MRAP: variants seen among roughly 807,000 people sequenced by gnomAD.
MRAP encodes melanocortin 2 receptor accessory protein, also known as melanocortin-2 receptor accessory protein.
A neutral mutation model predicts 8.7 loss-of-function variants in MRAP; 8 were observed. The ratio of observed to expected loss-of-function variants is 0.92; its 90% CI spans 0.54 to 1.66. The LOEUF (loss-of-function observed/expected upper bound fraction) is 1.66, where lower values mean the gene tolerates loss of function less well. Among genes scored for constraint, MRAP ranks in the 40% most tolerant of loss-of-function variants. The probability of loss-of-function intolerance (pLI) is 0.00; values close to 1 mark genes in which losing one functional copy is unlikely to be tolerated. For synonymous variants in MRAP, 95 were observed against 95.5 expected, an observed-to-expected ratio of 1.00 and a Z score of 0.03; for missense variants, 237 against 217.1, an observed-to-expected ratio of 1.09 and a Z score of -0.58.
At chr21:32,294,497 ATCTT>A (rs2032105081), upstream of MRAP, among the ~76,000 whole-genome samples, 1 of 152,168 alleles carries the variant, frequency 6.6e-6, no homozygotes, top group African/African-American at 2.4e-5. Context: ...CTATTCACAT[ATCTT>A]TCTTTATAAA....
At chr21:32,300,008 T>C (rs576352599) in intron 1 of MRAP, among the ~76,000 whole-genome samples, 6 of 152,244 alleles carry the variant, frequency 3.9e-5, no homozygotes, top group South Asian at 2.1e-4. Flanking sequence ...CCTGGGAAGA[T>C]TGGGTCTCAG....
At chr21:32,306,173 C>T (rs879923401) in intron 1 of MRAP, among the ~76,000 whole-genome samples, 1 of 152,132 alleles carries the variant, frequency 6.6e-6, no homozygotes, top group Non-Finnish European at 1.5e-5. Context: ...ACATCCTCCG[C>T]AGGGTATCAA....
At chr21:32,306,487 T>C in intron 1 of MRAP, 153 bp from the exon 2 acceptor site, 1 of 703,956 alleles carries the variant, frequency 1.4e-6, no homozygotes. Context: ...TTATTGTTAA[T>C]GGGAGATCTT....
rs758756352 is a variant in MRAP at position 32,306,624 on chromosome 21, T to G, written c.107-16T>G. ...TGACATAACCCAGCGCTGAGATGCA[T>G]CTCCTCCTCCCGCAGATTCCATCGT... On this transcript the variant is annotated splice_polypyrimidine_tract_variant and intron_variant, in intron 1 of 2. Transcript: ENST00000303645. 10 of 1,611,876 alleles carry G rather than the reference T, an allele frequency of 6.2e-6. No individual in the cohort carries two copies. Among genetic ancestry groups the G allele is most frequent in the Non-Finnish European group, 8.5e-6 (10 of 1,178,150 alleles).
intron 2 of MRAP, chr21:32,311,416 C>T (rs909287202): frequency 7.2e-6 from 2 of 278,140 alleles, no homozygotes; most frequent in East Asian, 1.2e-4. Flanking sequence ...CCACCCCCCA[C>T]CCCCCCCATC....
intron 2 of MRAP, 80 bp downstream of exon 2, chr21:32,306,819 C>T: frequency 8.9e-7 from 1 of 1,123,750 alleles, no homozygotes; most frequent in Non-Finnish European, 1.3e-6. Context: ...TATCCCTCAT[C>T]CAAAATGCTG....
Position 32,311,847 on chromosome 21 carries a change from C to G in MRAP, c.370C>G (p.Arg124Gly), listed in dbSNP as rs758718535. 1.1e-5 allele frequency: 17 copies of G among 1,614,148 alleles called. No individual in the cohort carries two copies. Among genetic ancestry groups the G allele is most frequent in the South Asian group, 3.3e-5 (3 of 91,086 alleles). ...CAGAACTGGCCCTGACCAGCCGCTA[C>G]GACAGGAGAGCTCCTCCACCTTGCC... ...GSRTGPDQPL[R>G]QESSSTLPLG... The change falls in exon 3 of 3, where the codon CGA becomes GGA. Residue 124 changes from arginine to glycine, a missense_variant. Arg to Gly is a moderately radical substitution (Grantham distance 125). Coordinates refer to ENST00000303645, the MANE Select transcript of MRAP (RefSeq NM_001379228.1).
intron 1 of MRAP, 62 bp from the exon 2 acceptor site, chr21:32,306,578 C>G (rs1441131113): frequency 1.5e-6 from 2 of 1,373,752 alleles, no homozygotes; most frequent in East Asian, 2.3e-5. Flanking sequence ...CTCCTTACTG[C>G]CCCTCAGCGT....
intron 1 of MRAP, among the ~76,000 whole-genome samples, chr21:32,304,333 C>T (rs1216300503): frequency 6.6e-6 from 1 of 152,096 alleles, no homozygotes; most frequent in Non-Finnish European, 1.5e-5. Context: ...AATCCTTAAG[C>T]TGGCTGGGTG....
downstream of MRAP, chr21:32,314,376 G>T: frequency 1.7e-6 from 1 of 574,970 alleles, no homozygotes; most frequent in Non-Finnish European, 3.2e-6. Flanking sequence ...GTAGAGATGG[G>T]GTTTCACCAT....
chr21:32,312,233 GC>G lies in MRAP; in HGVS notation c.*238del. The G allele has an allele frequency of 1.4e-6, 2 of 1,433,212 alleles. No individual in the cohort carries two copies. The highest frequency in any genetic ancestry group is 1.8e-6 in the Non-Finnish European group (2 of 1,096,720). The allele number at this position is 1,433,212 out of a possible 1,614,324, so 88.8% of individuals were successfully genotyped here. On this transcript the variant is annotated 3_prime_UTR_variant, in exon 3 of 3. Coordinates refer to ENST00000303645, the MANE Select transcript of MRAP (RefSeq NM_001379228.1). ...AGCACACCTAGCCTGCTTGCTTACT[GC>G]TTATATTTGCTCAGGGAAGAGTAGG...
At chr21:32,314,418 C>T (rs2032645125), downstream of MRAP, 1 of 747,854 alleles carries the variant, frequency 1.3e-6, no homozygotes, top group Admixed American at 2.0e-5. Flanking sequence ...CTCCTGACCT[C>T]AGGTGATTCA....
intron 1 of MRAP, 44 bp downstream of exon 1, chr21:32,299,121 CG>C: frequency 6.6e-7 from 1 of 1,523,778 alleles, no homozygotes; most frequent in Non-Finnish European, 9.1e-7. Context: ...GGCTGGGGGC[CG>C]GGGCCCAAAT....
At chr21:32,303,342 GA>G (rs1216747838) in intron 1 of MRAP, among the ~76,000 whole-genome samples, 1 of 152,224 alleles carries the variant, frequency 6.6e-6, no homozygotes, top group East Asian at 1.9e-4. Flanking sequence ...AAGAATGGAG[GA>G]ATGCTAAAAC....
chr21:32,301,006 T>C (rs1335897556), intron 1 of MRAP, among the ~76,000 whole-genome samples: 1 of 151,514 alleles, frequency 6.6e-6, no homozygotes, highest in Non-Finnish European at 1.5e-5. Context: ...TATGATATGA[T>C]GATATATCGC....
rs1249311661 is a variant in MRAP at position 32,299,052 on chromosome 21, C to T, written c.81C>T (p.Asp27=). ...ACTATCTGGACCTCATTCCCGTGGA[C>T]GAGAAGAAGCTGAAAGCCCACAAAC... The part of the protein sequence containing the change: ...YLDYLDLIPV[D]EKKLKAHKHS... Residue 27 remains aspartate (D), a synonymous_variant, in exon 1 of 3, where the codon GAC becomes GAT. Transcript: ENST00000303645. 8.1e-6 allele frequency: 13 copies of T among 1,613,898 alleles called. No individual in the cohort carries two copies. The highest frequency in any genetic ancestry group is 2.2e-5 in the East Asian group (1 of 44,884).
At chr21:32,314,555 A>C, downstream of MRAP, 3 of 1,613,762 alleles carry the variant, frequency 1.9e-6, no homozygotes, top group Non-Finnish European at 2.5e-6. Context: ...TTTCAGCTTT[A>C]ACACAGATGA....
At chr21:32,304,105 C>T (rs1352635699) in intron 1 of MRAP, among the ~76,000 whole-genome samples, 1 of 152,118 alleles carries the variant, frequency 6.6e-6, no homozygotes, top group African/African-American at 2.4e-5. Context: ...TGCTATAAGA[C>T]CTCAAACCCT....
chr21:32,306,613 G>A lies in MRAP; in HGVS notation c.107-27G>A, dbSNP rs374245448. 60 of 1,600,618 alleles carry A rather than the reference G, an allele frequency of 3.7e-5. No individual in the cohort carries two copies. In the African/African-American group the frequency reaches 4.4e-4, roughly 12 times the overall value. ...TTGCTTTATGTTGACATAACCCAGC[G>A]CTGAGATGCATCTCCTCCTCCCGCA... On this transcript the variant is annotated intron_variant, in intron 1 of 2. Coordinates refer to ENST00000303645, the MANE Select transcript of MRAP (RefSeq NM_001379228.1).
Sources: allele counts gnomAD v4.1 joint callset (sites outside exome capture counted in the v4.1 genomes callset), GRCh38; gene constraint gnomAD v4.1.1; transcripts MANE v1.5; gene names NCBI Gene and HGNC (gene_info 2026-07-23, HGNC 2026-07-21).